MACROD2: variants seen among roughly 807,000 people sequenced by gnomAD.
The protein encoded by MACROD2 is ADP-ribose glycohydrolase MACROD2.
A neutral mutation model predicts 70.4 loss-of-function variants in MACROD2; 36 were observed. That is an observed-to-expected ratio of 0.51 (90% CI 0.39 to 0.68). MACROD2 has a LOEUF of 0.68. Ranked by LOEUF, MACROD2 falls within the 30% of genes least tolerant of loss-of-function variation. MACROD2 has a pLI of 0.00. For synonymous variants in MACROD2, 172 were observed against 178.8 expected (o/e 0.96, Z 0.30); for missense variants, 496 against 538.4 (o/e 0.92, Z 0.78).
At chr20:14,944,215 C>T (rs2074412070) in intron 5 of MACROD2, among the ~76,000 whole-genome samples, 1 of 151,822 alleles carries the variant, frequency 6.6e-6, no homozygotes, top group African/African-American at 2.4e-5. Flanking sequence ...GAAGAAGGAG[C>T]AGGAAGAAGA....
chr20:15,928,083 T>A (rs2065518418), intron 10 of MACROD2, among the ~76,000 whole-genome samples: 1 of 152,246 alleles, frequency 6.6e-6, no homozygotes, highest in African/African-American at 2.4e-5. Flanking sequence ...AGCAGGAATG[T>A]CATCTATGTT....
In MACROD2 at chr20:15,753,065, G is replaced by C. The variant is rs562722362; in HGVS notation, c.646-109680G>C. Among the ~76,000 whole-genome samples the C allele has an allele frequency of 2.0e-5, 3 of 151,856 alleles. No homozygotes were observed. In the South Asian group the frequency reaches 6.2e-4, roughly 32 times the overall value. ...AAGCAAATGCAGTTGACCATGTGTA[G>C]ATCTTAAGGCAATTTTTTCTGGGAC... is the stretch of plus-strand genomic sequence containing the variant. On this transcript the variant is annotated intron_variant, in intron 8 of 17. Transcript: ENST00000684519.
chr20:14,494,811 A>G (rs1275106520), intron 4 of MACROD2, among the ~76,000 whole-genome samples: 1 of 152,116 alleles, frequency 6.6e-6, no homozygotes, highest in Non-Finnish European at 1.5e-5. Flanking sequence ...TTTGGGGGGA[A>G]CTAGAAGGGA....
chr20:15,391,880 T>C (rs924510319), intron 6 of MACROD2, among the ~76,000 whole-genome samples: 1 of 152,216 alleles, frequency 6.6e-6, no homozygotes, highest in African/African-American at 2.4e-5. Flanking sequence ...TATTAATTTC[T>C]TATGACAAAC....
At chr20:15,386,097 A>C (rs777634957) in intron 6 of MACROD2, among the ~76,000 whole-genome samples, 15 of 152,190 alleles carry the variant, frequency 9.9e-5, no homozygotes, top group Admixed American at 6.5e-5. Context: ...GACAGCTGTC[A>C]GTGTATAATC....
At chr20:14,652,903 T>C (rs1029570381) in intron 4 of MACROD2, among the ~76,000 whole-genome samples, 7 of 152,200 alleles carry the variant, frequency 4.6e-5, no homozygotes, top group African/African-American at 1.7e-4. Context: ...TAATGCACTC[T>C]ATGTTCATTT....
intron 8 of MACROD2, among the ~76,000 whole-genome samples, chr20:15,545,886 G>A (rs1373268394): frequency 6.6e-6 from 1 of 152,190 alleles, no homozygotes; most frequent in Non-Finnish European, 1.5e-5. Context: ...GATGTGAGGA[G>A]TGGGCAGAAT....
intron 3 of MACROD2, among the ~76,000 whole-genome samples, chr20:14,441,373 C>T (rs749812333): frequency 2.0e-4 from 30 of 152,134 alleles, no homozygotes; most frequent in Non-Finnish European, 4.1e-4. Flanking sequence ...GAACAACTGC[C>T]TAGTCATAGA....
intron 5 of MACROD2, among the ~76,000 whole-genome samples, chr20:14,951,470 C>G (rs777415908): frequency 8.5e-5 from 13 of 152,098 alleles, no homozygotes; most frequent in Non-Finnish European, 1.6e-4. Flanking sequence ...TCCGTATCAG[C>G]TAAGTGAGAA....
At chr20:15,413,293 T>A (rs994272627) in intron 6 of MACROD2, among the ~76,000 whole-genome samples, 3 of 152,168 alleles carry the variant, frequency 2.0e-5, no homozygotes, top group Non-Finnish European at 4.4e-5. Flanking sequence ...TTGCAGGCAC[T>A]TCAGAATTCT....
In MACROD2 at chr20:14,168,660, A is replaced by T. The variant is rs536018113; in HGVS notation, c.271+82932A>T. 7.2e-5 allele frequency among the ~76,000 whole-genome samples: 11 copies of T among 152,320 alleles called. No individual in the cohort carries two copies. The East Asian group carries it at 2.1e-3, about 29-fold the overall frequency. The stretch of plus-strand genomic sequence containing the variant: ...GCCAAATACATAATGTTATGTATCC[A>T]CTACAGTATTATACAGGATAGTTTC... On this transcript the variant is annotated intron_variant, in intron 3 of 17. Coordinates refer to ENST00000684519, the MANE Select transcript of MACROD2 (RefSeq NM_001351661.2).
intron 7 of MACROD2, among the ~76,000 whole-genome samples, chr20:15,460,332 T>A: frequency 6.6e-6 from 1 of 152,144 alleles, no homozygotes; most frequent in East Asian, 1.9e-4. Context: ...GCAGTGGCAG[T>A]TGGTTCCAGA....
intron 5 of MACROD2, among the ~76,000 whole-genome samples, chr20:15,198,890 CT>C (rs1168161193): frequency 1.3e-5 from 2 of 152,046 alleles, no homozygotes; most frequent in South Asian, 4.1e-4. Flanking sequence ...GGCCTCCTGA[CT>C]GGGTTCGAGT....
intron 5 of MACROD2, among the ~76,000 whole-genome samples, chr20:14,767,614 A>G (rs1240473124): frequency 6.6e-6 from 1 of 151,958 alleles, no homozygotes; most frequent in African/African-American, 2.4e-5. Flanking sequence ...TGGGGTAACC[A>G]TACTTGTCTA....
intron 3 of MACROD2, among the ~76,000 whole-genome samples, chr20:14,088,327 T>TA (rs11372104): frequency 0.75 from 88,689 of 117,946 alleles, 33,723 homozygotes; most frequent in East Asian, 0.81. Context: ...AGACTCCATC[T>TA]AAAAAAAAAA....
At chr20:14,053,882 G>T (rs950517342) in intron 2 of MACROD2, among the ~76,000 whole-genome samples, 2 of 151,902 alleles carry the variant, frequency 1.3e-5, no homozygotes, top group Non-Finnish European at 2.9e-5. Context: ...TTTTTAAATA[G>T]TAAATATGTT....
At chr20:14,835,739 G>A (rs140789409) in intron 5 of MACROD2, among the ~76,000 whole-genome samples, 1 of 152,042 alleles carries the variant, frequency 6.6e-6, no homozygotes, top group African/African-American at 2.4e-5. Context: ...TTAGAAACTG[G>A]ACCTTAAGAA....
At chr20:14,250,668 C>A (rs994568048) in intron 3 of MACROD2, among the ~76,000 whole-genome samples, 16 of 152,196 alleles carry the variant, frequency 1.1e-4, no homozygotes, top group African/African-American at 2.9e-4. Context: ...CCATCTTATA[C>A]CTTTTCAAAT....
intron 3 of MACROD2, among the ~76,000 whole-genome samples, chr20:14,422,812 A>G (rs80117182): frequency 0.037 from 5,638 of 152,290 alleles, 342 homozygotes; most frequent in African/African-American, 0.13. Flanking sequence ...CAAAATTGCA[A>G]TATTACCTGC....
Sources: gnomAD v4.1 joint callset for allele counts (sites outside exome capture counted in the v4.1 genomes callset) on GRCh38, gnomAD v4.1.1 for gene constraint, MANE v1.5 for transcripts, NCBI Gene and HGNC (gene_info 2026-07-23, HGNC 2026-07-21) for gene names.